CSMD2: variants seen among roughly 807,000 people sequenced by gnomAD.
CSMD2 encodes CUB and Sushi multiple domains 2.
A neutral mutation model predicts 398.5 loss-of-function variants in CSMD2; 130 were observed. That is an observed-to-expected ratio of 0.33 (90% CI 0.28 to 0.38). CSMD2 has a LOEUF of 0.38. Among genes scored for constraint, CSMD2 ranks in the 10% least tolerant of loss-of-function variants. The pLI, the probability that CSMD2 is intolerant of heterozygous loss-of-function variation, is 1.00. For missense variants in CSMD2, 3,829 were observed against 4,764.9 expected (o/e 0.80, Z 5.78); for synonymous variants, 1,828 against 1,908.5 (o/e 0.96, Z 1.10).
At chr1:33,858,984 C>A (rs528922766) in intron 5 of CSMD2, among the ~76,000 whole-genome samples, 38 of 152,264 alleles carry the variant, frequency 2.5e-4, no homozygotes, top group Admixed American at 2.2e-3. Flanking sequence ...TTTCCCTCAA[C>A]AAATTGAATA....
chr1:33,906,516 A>G (rs981967574), intron 5 of CSMD2, among the ~76,000 whole-genome samples: 2 of 152,224 alleles, frequency 1.3e-5, no homozygotes, highest in Non-Finnish European at 2.9e-5. Flanking sequence ...GGAAAGGTAC[A>G]GTATATTGGG....
At chr1:33,669,950 TC>T (rs1284031844) in intron 25 of CSMD2, among the ~76,000 whole-genome samples, 1 of 152,140 alleles carries the variant, frequency 6.6e-6, no homozygotes, top group Non-Finnish European at 1.5e-5. Flanking sequence ...GACAGATTCT[TC>T]CCCAGTATTT....
Position 33,624,374 on chromosome 1 carries a change from G to T in CSMD2, c.5625+145C>A. 1 of 980,764 alleles carries T rather than the reference G, an allele frequency of 1.0e-6. No individual in the cohort carries two copies. The allele number at this position is 980,764 out of a possible 1,614,324, so 60.8% of individuals were successfully genotyped here. On this transcript the variant is annotated intron_variant, in intron 35 of 70. Coordinates refer to ENST00000373381, the MANE Select transcript of CSMD2 (RefSeq NM_001281956.2). The surrounding 1 kb of genome is among the most constrained non-coding windows in gnomAD (Gnocchi z 4.7). ...CTTGGACTGAGCCTCCTTAGCCGCA[G>T]GGGCAGGTACAGGGCTGATATGTCT...
intron 5 of CSMD2, among the ~76,000 whole-genome samples, chr1:33,855,578 A>G (rs1261868961): frequency 1.3e-5 from 2 of 152,180 alleles, no homozygotes; most frequent in Non-Finnish European, 2.9e-5. Flanking sequence ...TCCAGGAGTC[A>G]GTCTGACTGG....
At chr1:34,000,548 C>T (rs1646868374) in intron 3 of CSMD2, among the ~76,000 whole-genome samples, 1 of 152,114 alleles carries the variant, frequency 6.6e-6, no homozygotes, top group Non-Finnish European at 1.5e-5. Context: ...TCCCAGGCCC[C>T]AGAGTTCTGC....
intron 56 of CSMD2, among the ~76,000 whole-genome samples, chr1:33,546,622 C>A (rs1656923493): frequency 6.6e-6 from 1 of 152,136 alleles, no homozygotes; most frequent in South Asian, 2.1e-4. Context: ...ATTCTTTTGC[C>A]TGAACTCTTG....
intron 10 of CSMD2, among the ~76,000 whole-genome samples, chr1:33,807,645 G>C (rs1361630659): frequency 6.6e-6 from 1 of 152,136 alleles, no homozygotes; most frequent in African/African-American, 2.4e-5. Context: ...ACACACCATA[G>C]AGTATGAATT....
At chr1:33,982,200 G>C (rs1021514007) in intron 3 of CSMD2, among the ~76,000 whole-genome samples, 2 of 152,102 alleles carry the variant, frequency 1.3e-5, no homozygotes, top group Non-Finnish European at 2.9e-5. Flanking sequence ...CAGTTTTCTT[G>C]GGGGGCTACT....
intron 6 of CSMD2, among the ~76,000 whole-genome samples, chr1:33,837,912 A>T (rs1660468951): frequency 6.6e-6 from 1 of 152,222 alleles, no homozygotes; most frequent in Non-Finnish European, 1.5e-5. Flanking sequence ...GCTGTTGTAA[A>T]GGTTAGCGGG....
rs1659390302 is a variant in CSMD2, at chr1:33,569,531, C to A, written c.7974G>T (p.Glu2658Asp). 6.2e-7 allele frequency: 1 copy of A among 1,613,938 alleles called. No homozygotes were observed. The highest frequency in any genetic ancestry group is 1.3e-5 in the African/African-American group (1 of 74,932). The change falls in exon 52 of 71, where the codon GAG becomes GAT. Residue 2658 changes from glutamate (E) to aspartate (D), a missense_variant. This residue lies in a region of CSMD2 where 723 missense variants were observed against 758.6 expected (regional missense o/e 0.95). Coordinates refer to ENST00000373381, the MANE Select transcript of CSMD2 (RefSeq NM_001281956.2). ...GGTGGCCATTGGGGGGAATCGGGAG[C>A]TCTCCACAGGAGATGACTAAAATGA... Reference protein sequence around the residue: ...TPTCRIISCGELPIPPNGHRI... With the variant: ...TPTCRIISCGDLPIPPNGHRI...
chr1:33,929,321 T>C (rs915638440), intron 4 of CSMD2, among the ~76,000 whole-genome samples: 1 of 152,120 alleles, frequency 6.6e-6, no homozygotes, highest in African/African-American at 2.4e-5. Context: ...ATTGTGGCTC[T>C]TGCTCAGCTA....
chr1:33,874,429 T>TGAA (rs2125153557), intron 5 of CSMD2, among the ~76,000 whole-genome samples: 1 of 152,312 alleles, frequency 6.6e-6, no homozygotes, highest in African/African-American at 2.4e-5. Context: ...AATGAACAAT[T>TGAA]GAATCATGAG....
At chr1:33,858,770 T>C (rs1639279002) in intron 5 of CSMD2, among the ~76,000 whole-genome samples, 1 of 152,174 alleles carries the variant, frequency 6.6e-6, no homozygotes, top group Non-Finnish European at 1.5e-5. Flanking sequence ...CCTCAAACAC[T>C]GTTCATCACT....
At chr1:33,719,970 A>T (rs1646303009) in intron 19 of CSMD2, among the ~76,000 whole-genome samples, 1 of 151,890 alleles carries the variant, frequency 6.6e-6, no homozygotes, top group African/African-American at 2.4e-5. Flanking sequence ...CATTCTCAGG[A>T]CTCCTGAATT....
At chr1:34,048,096 G>T (rs1186308578) in intron 2 of CSMD2, among the ~76,000 whole-genome samples, 1 of 152,206 alleles carries the variant, frequency 6.6e-6, no homozygotes, top group Admixed American at 6.5e-5. Context: ...AGGTTGGCAA[G>T]GATGGAAATG....
intron 3 of CSMD2, among the ~76,000 whole-genome samples, chr1:34,020,693 C>T (rs1264236134): frequency 1.3e-5 from 2 of 152,136 alleles, no homozygotes; most frequent in African/African-American, 4.8e-5. Flanking sequence ...TCCTGGTTCA[C>T]CTCAGGCAAG....
chr1:33,993,954 T>TCTAGTAA (rs1646644456), intron 3 of CSMD2, among the ~76,000 whole-genome samples: 1 of 152,176 alleles, frequency 6.6e-6, no homozygotes, highest in African/African-American at 2.4e-5. Context: ...AAGTCCAATG[T>TCTAGTAA]GTCTAGCTTA....
At chr1:34,133,466 A>C (rs772256358) in intron 1 of CSMD2, among the ~76,000 whole-genome samples, 22 of 152,086 alleles carry the variant, frequency 1.4e-4, no homozygotes, top group Admixed American at 1.1e-3. Context: ...CCCTGTCTCT[A>C]CTAAAAATAC....
chr1:33,961,996 G>A (rs753056920), intron 3 of CSMD2, among the ~76,000 whole-genome samples: 12 of 152,200 alleles, frequency 7.9e-5, no homozygotes, highest in Non-Finnish European at 1.0e-4. Flanking sequence ...GATTAAATGA[G>A]ATAGATCATG....
Sources: gnomAD v4.1 joint callset for allele counts (sites outside exome capture counted in the v4.1 genomes callset) on GRCh38, gnomAD v4.1.1 for gene constraint, gnomAD v4.1.1 regional missense constraint, Gnocchi (gnomAD v3.1) non-coding constraint, MANE v1.5 for transcripts, NCBI Gene and HGNC (gene_info 2026-07-23, HGNC 2026-07-21) for gene names.